FBXL17: variants seen among roughly 807,000 people sequenced by gnomAD.
FBXL17 encodes the protein F-box and leucine rich repeat protein 17.
Under a neutral mutation model 66.2 loss-of-function variants are expected in FBXL17, and 22 were observed. That is an observed-to-expected ratio of 0.33 (90% CI 0.24 to 0.47). The LOEUF (loss-of-function observed/expected upper bound fraction) is 0.47, where lower values mean the gene tolerates loss of function less well. FBXL17 is among the 20% of genes least tolerant of loss of function. The pLI is 1.00. For missense variants in FBXL17, 878 were observed against 948.2 expected, an observed-to-expected ratio of 0.93 and a Z score of 0.97; for synonymous variants, 474 against 400.5, an observed-to-expected ratio of 1.18 and a Z score of -2.19.
At chr5:108,168,855 T>C (rs748561529) in intron 6 of FBXL17, among the ~76,000 whole-genome samples, 7 of 151,662 alleles carry the variant, frequency 4.6e-5, no homozygotes, top group African/African-American at 1.7e-4. Flanking sequence ...CAACTAAGAG[T>C]GGCAAGTTAG....
chr5:108,004,151 A>G (rs537255989), intron 7 of FBXL17, among the ~76,000 whole-genome samples: 1 of 152,324 alleles, frequency 6.6e-6, no homozygotes, highest in East Asian at 1.9e-4. Flanking sequence ...AGACAGTGGG[A>G]TAATATCTTC....
At chr5:107,921,037 G>C (rs779001732) in intron 7 of FBXL17, among the ~76,000 whole-genome samples, 1 of 152,024 alleles carries the variant, frequency 6.6e-6, no homozygotes, top group African/African-American at 2.4e-5. Flanking sequence ...ACAGAACATA[G>C]ATAGCTGCAT....
intron 7 of FBXL17, among the ~76,000 whole-genome samples, chr5:107,949,948 C>A (rs985869507): frequency 2.6e-5 from 4 of 152,102 alleles, no homozygotes; most frequent in Non-Finnish European, 4.4e-5. Context: ...TTGTGAATGC[C>A]CCCCACCTCG....
chr5:108,033,505 C>A (rs1746720783), intron 6 of FBXL17, among the ~76,000 whole-genome samples: 1 of 152,072 alleles, frequency 6.6e-6, no homozygotes, highest in South Asian at 2.1e-4. Context: ...AATGCCCATT[C>A]CCACTCACAA....
chr5:108,167,907 T>C (rs1405543580), intron 6 of FBXL17, among the ~76,000 whole-genome samples: 1 of 152,142 alleles, frequency 6.6e-6, no homozygotes, highest in East Asian at 1.9e-4. Flanking sequence ...AAACAAATGT[T>C]CTTTAAAGGG....
At chr5:108,039,783 A>G (rs1425575024) in intron 6 of FBXL17, among the ~76,000 whole-genome samples, 1 of 152,126 alleles carries the variant, frequency 6.6e-6, no homozygotes, top group Non-Finnish European at 1.5e-5. Context: ...TCTTAATAAG[A>G]CATATTTTGT....
intron 7 of FBXL17, among the ~76,000 whole-genome samples, chr5:107,940,242 TATTC>T (rs72049876): frequency 0.42 from 62,825 of 150,914 alleles, 13,691 homozygotes; most frequent in East Asian, 0.59. Flanking sequence ...GAATAAATTT[TATTC>T]ATTCATTCAT....
chr5:107,942,791 A>C (rs1304206775), intron 7 of FBXL17, among the ~76,000 whole-genome samples: 1 of 145,744 alleles, frequency 6.9e-6, no homozygotes, highest in African/African-American at 2.6e-5. Flanking sequence ...AAAAAAAAAA[A>C]ACCTATCTGA....
chr5:107,901,022 A>T (rs1229530479), intron 7 of FBXL17, among the ~76,000 whole-genome samples: 1 of 152,200 alleles, frequency 6.6e-6, no homozygotes, highest in Non-Finnish European at 1.5e-5. Flanking sequence ...TACTGAGTAT[A>T]TCATCACATC....
intron 7 of FBXL17, among the ~76,000 whole-genome samples, chr5:107,907,279 G>A (rs1472395714): frequency 1.3e-5 from 2 of 152,160 alleles, no homozygotes; most frequent in Admixed American, 6.5e-5. Flanking sequence ...ATCTAAATGG[G>A]GAAGCTCTAG....
At chr5:107,997,956 T>A (rs1753546812) in intron 7 of FBXL17, among the ~76,000 whole-genome samples, 1 of 152,038 alleles carries the variant, frequency 6.6e-6, no homozygotes, top group Admixed American at 6.6e-5. Context: ...TGAAGTGGAG[T>A]TTTAACACTA....
rs142380868 is a variant in FBXL17, at chr5:107,912,718, G to A, written c.1823-31539C>T. Among the ~76,000 whole-genome samples, 1,306 of 152,264 alleles carry A rather than the reference G, an allele frequency of 8.6e-3. 15 individuals carry two copies. Among genetic ancestry groups the A allele is most frequent in the Middle Eastern group, 0.031 (9 of 294 alleles). ...GAAGAGAAGAGAGGATTAGGAGGGA[G>A]ACTGGTAGCTAAAAGGAACTTCAGT... On this transcript the variant is annotated intron_variant, in intron 7 of 8. Transcript: ENST00000542267.
chr5:108,126,799 T>G (rs158175), intron 6 of FBXL17, among the ~76,000 whole-genome samples: 29,843 of 151,146 alleles, frequency 0.2, 3,185 homozygotes, highest in South Asian at 0.42. Flanking sequence ...ATAAAAAGGT[T>G]TAGTCTATTC....
chr5:108,051,387 A>G (rs1246169634), intron 6 of FBXL17, among the ~76,000 whole-genome samples: 1 of 152,168 alleles, frequency 6.6e-6, no homozygotes, highest in East Asian at 1.9e-4. Flanking sequence ...AAACTTATCC[A>G]CCACGGTCAA....
chr5:108,175,080 T>A (rs989834475), intron 6 of FBXL17, among the ~76,000 whole-genome samples: 1 of 152,204 alleles, frequency 6.6e-6, no homozygotes, highest in African/African-American at 2.4e-5. Context: ...CTGAACCAAT[T>A]GCCTGGATTT....
intron 6 of FBXL17, among the ~76,000 whole-genome samples, chr5:108,152,278 T>C (rs147753433): frequency 2.5e-4 from 38 of 152,366 alleles, no homozygotes; most frequent in Non-Finnish European, 3.5e-4. Context: ...GCTGCTGTTG[T>C]TTGATAATCC....
At chr5:108,092,435 G>A (rs529069918) in intron 6 of FBXL17, among the ~76,000 whole-genome samples, 24 of 152,044 alleles carry the variant, frequency 1.6e-4, no homozygotes, top group African/African-American at 5.8e-4. Context: ...TAGGAACTAT[G>A]GTTCCTACTC....
At position 108,125,505 on chromosome 5, in the gene FBXL17, C is replaced by T. The variant is rs138102900; in HGVS notation, c.1745+60612G>A. Among the ~76,000 whole-genome samples, 783 of 152,042 alleles carry T rather than the reference C, an allele frequency of 5.1e-3. 3 individuals carry two copies. The highest frequency in any genetic ancestry group is 0.018 in the African/African-American group (755 of 41,490). The stretch of plus-strand genomic sequence containing the variant: ...TGTATCAGCTAGAATTTAAGTTATC[C>T]TGAAATAAGAACTTCCTAAATGAGA... On this transcript the variant is annotated intron_variant, in intron 6 of 8. Coordinates refer to ENST00000542267, the MANE Select transcript of FBXL17 (RefSeq NM_001163315.3).
At chr5:108,106,693 T>C (rs889717918) in intron 6 of FBXL17, among the ~76,000 whole-genome samples, 1 of 152,200 alleles carries the variant, frequency 6.6e-6, no homozygotes, top group African/African-American at 2.4e-5. Flanking sequence ...ATGTCCAGAA[T>C]AGGCAAATCC....
Sources: allele counts gnomAD v4.1 joint callset (sites outside exome capture counted in the v4.1 genomes callset), GRCh38; gene constraint gnomAD v4.1.1; transcripts MANE v1.5; gene names NCBI Gene and HGNC (gene_info 2026-07-23, HGNC 2026-07-21).